The following ASIC2 variants were observed in gnomAD, a reference collection of about 807,000 sequenced individuals.
The protein encoded by ASIC2 is acid sensing ion channel subunit 2, also known as acid-sensing ion channel 2.
A neutral mutation model predicts 57.3 loss-of-function variants in ASIC2; 25 were observed. The observed-to-expected ratio is 0.44, with a 90% confidence interval of 0.32 to 0.61. ASIC2 has a LOEUF of 0.61. Among genes scored for constraint, ASIC2 ranks in the 20% least tolerant of loss-of-function variants. The pLI is 0.06. For missense variants in ASIC2, 641 were observed against 738.1 expected (o/e 0.87, Z 1.52); for synonymous variants, 319 against 307.5 (o/e 1.04, Z -0.39).
intron 1 of ASIC2, among the ~76,000 whole-genome samples, chr17:33,923,766 G>C (rs1022336895): frequency 6.6e-6 from 1 of 152,182 alleles, no homozygotes; most frequent in Admixed American, 6.5e-5. Context: ...CACCAATGAG[G>C]TGTGAGTTAG....
At chr17:34,012,262 T>C (rs1323817242) in intron 1 of ASIC2, among the ~76,000 whole-genome samples, 1 of 152,084 alleles carries the variant, frequency 6.6e-6, no homozygotes, top group African/African-American at 2.4e-5. Flanking sequence ...CCTCCAATTG[T>C]AACATGCCAT....
chr17:33,061,089 C>T (rs980489885), intron 3 of ASIC2, among the ~76,000 whole-genome samples: 2 of 152,188 alleles, frequency 1.3e-5, no homozygotes, highest in Non-Finnish European at 1.5e-5. Context: ...TCTAGATATA[C>T]AATCATGTCA....
intron 1 of ASIC2, among the ~76,000 whole-genome samples, chr17:33,149,881 A>G (rs953187853): frequency 1.3e-5 from 2 of 152,058 alleles, no homozygotes; most frequent in Non-Finnish European, 2.9e-5. Flanking sequence ...TGAAAGTACC[A>G]TTCTTGAAGG....
At chr17:33,096,167 T>A (rs1476988428) in intron 2 of ASIC2, among the ~76,000 whole-genome samples, 1 of 152,250 alleles carries the variant, frequency 6.6e-6, no homozygotes, top group Non-Finnish European at 1.5e-5. Flanking sequence ...ATTTTTCTTA[T>A]TTCTTCTTAT....
At chr17:33,328,269 G>A (rs1474015736) in intron 1 of ASIC2, among the ~76,000 whole-genome samples, 1 of 152,172 alleles carries the variant, frequency 6.6e-6, no homozygotes, top group Non-Finnish European at 1.5e-5. Context: ...GGCACAGTGA[G>A]TTAGGAAAGT....
At chr17:33,257,445 T>C (rs17836738) in intron 1 of ASIC2, among the ~76,000 whole-genome samples, 17,169 of 152,268 alleles carry the variant, frequency 0.11, 1,137 homozygotes, top group East Asian at 0.24. Context: ...GGGTTGTTAT[T>C]TCACACTTTT....
chr17:34,099,144 GAC>G (rs200434450), intron 1 of ASIC2, among the ~76,000 whole-genome samples: 821 of 20,276 alleles, frequency 0.04, 30 homozygotes, highest in African/African-American at 0.081. Context: ...GAGAGAGAGA[GAC>G]AGAGAGAGAG....
intron 1 of ASIC2, among the ~76,000 whole-genome samples, chr17:34,136,580 T>C (rs1912133605): frequency 6.6e-6 from 1 of 152,220 alleles, no homozygotes; most frequent in South Asian, 2.1e-4. Context: ...CAATCATGAC[T>C]TGGAAGGCCC....
intron 1 of ASIC2, among the ~76,000 whole-genome samples, chr17:33,443,626 C>T (rs946458825): frequency 1.7e-4 from 26 of 150,830 alleles, no homozygotes; most frequent in Non-Finnish European, 3.4e-4. Flanking sequence ...CCGTTTTAGC[C>T]GGGATGGTCT....
chr17:33,436,195 T>C (rs1911601385), intron 1 of ASIC2, among the ~76,000 whole-genome samples: 1 of 152,216 alleles, frequency 6.6e-6, no homozygotes, highest in Non-Finnish European at 1.5e-5. Context: ...ATAGCCCCTC[T>C]CTAAAACTGA....
intron 2 of ASIC2, among the ~76,000 whole-genome samples, 153 bp from the exon 3 acceptor site, chr17:33,089,143 G>T (rs1567740408): frequency 6.6e-6 from 1 of 152,172 alleles, no homozygotes; most frequent in Non-Finnish European, 1.5e-5. Flanking sequence ...TCCAGAAACT[G>T]TGACTAGGTT....
At chr17:33,359,913 T>C (rs929181501) in intron 1 of ASIC2, among the ~76,000 whole-genome samples, 12 of 152,328 alleles carry the variant, frequency 7.9e-5, no homozygotes, top group African/African-American at 2.2e-4. Context: ...AAGCAGTCTT[T>C]GGTTTGCTTG....
At chr17:33,875,471 G>T (rs1268501771) in intron 1 of ASIC2, among the ~76,000 whole-genome samples, 1 of 151,334 alleles carries the variant, frequency 6.6e-6, no homozygotes, top group Non-Finnish European at 1.5e-5. Context: ...AGCTGAAAAT[G>T]AAAACAGAAG....
At chr17:33,456,757 A>G (rs1233880437) in intron 1 of ASIC2, among the ~76,000 whole-genome samples, 1 of 152,216 alleles carries the variant, frequency 6.6e-6, no homozygotes, top group Admixed American at 6.5e-5. Context: ...AGTATTGTAG[A>G]AAAACGGAGA....
At chr17:33,078,494 A>C (rs1281746694) in intron 3 of ASIC2, among the ~76,000 whole-genome samples, 1 of 152,250 alleles carries the variant, frequency 6.6e-6, no homozygotes, top group Admixed American at 6.5e-5. Flanking sequence ...ATCATTGCAC[A>C]ATATTCGATC....
At chr17:33,233,514 TCACACACACACACACACACACACACA>T (rs36203893) in intron 1 of ASIC2, among the ~76,000 whole-genome samples, 1 of 146,980 alleles carries the variant, frequency 6.8e-6, no homozygotes, top group African/African-American at 2.5e-5. Context: ...AATTGGAAAT[TCACACACACACACACACACACACACA>T]CACACACACA....
intron 1 of ASIC2, among the ~76,000 whole-genome samples, chr17:33,427,767 A>G (rs866650582): frequency 6.6e-6 from 1 of 152,180 alleles, no homozygotes; most frequent in South Asian, 2.1e-4. Context: ...ATGGCCCCCA[A>G]AGAACCTTAC....
intron 1 of ASIC2, among the ~76,000 whole-genome samples, chr17:33,366,675 G>A (rs1908821582): frequency 1.3e-5 from 2 of 152,170 alleles, no homozygotes; most frequent in South Asian, 4.1e-4. Context: ...AGTTCCTTGA[G>A]GACAGAGATT....
intron 1 of ASIC2, among the ~76,000 whole-genome samples, chr17:33,376,485 T>G (rs1255134179): frequency 6.6e-6 from 1 of 152,236 alleles, no homozygotes; most frequent in African/African-American, 2.4e-5. Flanking sequence ...CATGGAATAA[T>G]CAATCTTATC....
Sources: gnomAD v4.1 joint callset for allele counts (sites outside exome capture counted in the v4.1 genomes callset) on GRCh38, gnomAD v4.1.1 for gene constraint, MANE v1.5 for transcripts, NCBI Gene and HGNC (gene_info 2026-07-23, HGNC 2026-07-21) for gene names.